The following GLRA1 variants were observed in gnomAD, a reference collection of about 807,000 sequenced individuals.
GLRA1 encodes glycine receptor alpha 1.
GLRA1 carries 37 observed loss-of-function variants against 48.3 expected under a neutral mutation model. The observed-to-expected ratio is 0.77, with a 90% CI of 0.59 to 1.01. GLRA1 has a LOEUF of 1.01. Ranked by LOEUF, GLRA1 falls within the 50% of genes least tolerant of loss-of-function variation. The probability of loss-of-function intolerance (pLI) is 0.00; values close to 1 mark genes in which losing one functional copy is unlikely to be tolerated. For missense variants in GLRA1, 427 were observed against 571.0 expected (o/e 0.75, Z 2.57); for synonymous variants, 196 against 210.7 (o/e 0.93, Z 0.60).
At chr5:151,885,215 A>G (rs1370898279) in intron 3 of GLRA1, among the ~76,000 whole-genome samples, 1 of 152,238 alleles carries the variant, frequency 6.6e-6, no homozygotes, top group Non-Finnish European at 1.5e-5. Flanking sequence ...TTAATTGATA[A>G]GCAATATAAT....
intron 1 of GLRA1, among the ~76,000 whole-genome samples, chr5:151,910,656 G>T (rs1581662451): frequency 6.6e-6 from 1 of 152,052 alleles, no homozygotes; most frequent in Non-Finnish European, 1.5e-5. Context: ...TTTCCCCTCA[G>T]GGTTTCAGTT....
intron 1 of GLRA1, among the ~76,000 whole-genome samples, chr5:151,896,451 C>T (rs1235346795): frequency 6.6e-6 from 1 of 152,224 alleles, no homozygotes; most frequent in African/African-American, 2.4e-5. Context: ...TGATTTATTT[C>T]TGAAGCTTGT....
intron 1 of GLRA1, among the ~76,000 whole-genome samples, chr5:151,912,134 T>A (rs1754629250): frequency 1.3e-5 from 2 of 152,168 alleles, no homozygotes; most frequent in East Asian, 1.9e-4. Flanking sequence ...TACATTTTTT[T>A]CTGGGCCGTA....
chr5:151,849,163 T>TC (rs1752790556), intron 7 of GLRA1: 2 of 111,018 alleles, frequency 1.8e-5, no homozygotes, highest in African/African-American at 1.3e-4. Context: ...TTTTCTTTTC[T>TC]TTTCTTTCTT....
chr5:151,920,059 A>G (rs1455294994), intron 1 of GLRA1, among the ~76,000 whole-genome samples: 2 of 152,254 alleles, frequency 1.3e-5, no homozygotes, highest in Non-Finnish European at 2.9e-5. Flanking sequence ...TTCTGCAATG[A>G]CAGGGACTCT....
At chr5:151,853,903 A>G (rs1472399001) in intron 6 of GLRA1, among the ~76,000 whole-genome samples, 1 of 151,776 alleles carries the variant, frequency 6.6e-6, no homozygotes, top group Non-Finnish European at 1.5e-5. Context: ...ACACACACAT[A>G]CACACACACA....
chr5:151,921,212 A>G (rs1754864814), intron 1 of GLRA1, among the ~76,000 whole-genome samples: 1 of 152,192 alleles, frequency 6.6e-6, no homozygotes, highest in South Asian at 2.1e-4. Context: ...TCTCAAGCAC[A>G]TGCTAGGTCC....
chr5:151,861,092 T>C (rs2113361739), intron 3 of GLRA1, among the ~76,000 whole-genome samples: 1 of 152,384 alleles, frequency 6.6e-6, no homozygotes, highest in South Asian at 2.1e-4. Flanking sequence ...TTCCATGGTG[T>C]ATATGTGCCA....
chr5:151,903,918 A>G (rs1193010147), intron 1 of GLRA1, among the ~76,000 whole-genome samples: 1 of 152,218 alleles, frequency 6.6e-6, no homozygotes, highest in African/African-American at 2.4e-5. Flanking sequence ...GAGCTGATAC[A>G]TAAATCTAAT....
rs781487245 is a variant in GLRA1 at position 151,859,933 on chromosome 5, A to C, written c.328T>G (p.Ser110Ala). The change falls in exon 4 of 9, where the codon TCT becomes GCT. Residue 110 changes from serine to alanine, a missense_variant. By Grantham distance (99) the Ser-to-Ala change is moderately conservative. Around this residue, in one of 4 missense-constraint regions of GLRA1, gnomAD observed 271 missense variants for 434.9 expected, o/e 0.62. Coordinates refer to ENST00000274576, the MANE Select transcript of GLRA1 (RefSeq NM_000171.4). ...AGCATGGATGGGTCCAGGTCCAGAG[A>C]GTCGTCAGGGTATTCATTATAGGCC... ...RLAYNEYPDDSLDLDPSMLDS... is the reference protein window; with the variant it reads ...RLAYNEYPDDALDLDPSMLDS... 1.9e-6 allele frequency: 3 copies of C among 1,614,012 alleles called. No individual in the cohort carries two copies. Among genetic ancestry groups the C allele is most frequent in the African/African-American group, 2.7e-5 (2 of 74,912 alleles).
At chr5:151,870,500 T>C (rs1475877631) in intron 3 of GLRA1, among the ~76,000 whole-genome samples, 1 of 149,984 alleles carries the variant, frequency 6.7e-6, no homozygotes, top group Non-Finnish European at 1.5e-5. Context: ...GAATGATCTA[T>C]GTGTAATCTC....
chr5:151,832,953 G>T (rs900432407), intron 7 of GLRA1, among the ~76,000 whole-genome samples: 2 of 152,098 alleles, frequency 1.3e-5, no homozygotes, highest in Non-Finnish European at 2.9e-5. Context: ...CGGATCTCTC[G>T]GCAGAAACCC....
chr5:151,887,546 C>A (rs1009985371), intron 2 of GLRA1, among the ~76,000 whole-genome samples: 1 of 152,122 alleles, frequency 6.6e-6, no homozygotes, highest in Non-Finnish European at 1.5e-5. Flanking sequence ...ATGGTTATTA[C>A]CTTCATTTTA....
At chr5:151,846,661 T>C (rs1289238201) in intron 7 of GLRA1, among the ~76,000 whole-genome samples, 2 of 152,082 alleles carry the variant, frequency 1.3e-5, no homozygotes, top group Non-Finnish European at 2.9e-5. Flanking sequence ...GTCAGTGTCA[T>C]GAAAAACAAA....
At chr5:151,895,574 T>C (rs1261001624) in intron 1 of GLRA1, among the ~76,000 whole-genome samples, 5 of 152,034 alleles carry the variant, frequency 3.3e-5, no homozygotes, top group South Asian at 2.1e-4. Context: ...TCTTAGAACA[T>C]AGCAAGCACT....
At chr5:151,856,693 T>A (rs1753055723) in intron 4 of GLRA1, among the ~76,000 whole-genome samples, 1 of 149,040 alleles carries the variant, frequency 6.7e-6, no homozygotes, top group Non-Finnish European at 1.5e-5. Flanking sequence ...AATTTTTAAA[T>A]TTTTTTTTGT....
intron 1 of GLRA1, among the ~76,000 whole-genome samples, chr5:151,902,703 A>G (rs1323729202): frequency 6.6e-6 from 1 of 152,180 alleles, no homozygotes; most frequent in African/African-American, 2.4e-5. Context: ...GGAGGTTACA[A>G]ATAAAATAAT....
chr5:151,881,354 C>T (rs1753757405), intron 3 of GLRA1, among the ~76,000 whole-genome samples: 1 of 147,944 alleles, frequency 6.8e-6, no homozygotes, highest in Non-Finnish European at 1.5e-5. Flanking sequence ...GAGCCTCACC[C>T]TGTTGCCCAG....
chr5:151,832,993 T>C (rs576643386), intron 7 of GLRA1, among the ~76,000 whole-genome samples: 7 of 152,158 alleles, frequency 4.6e-5, no homozygotes, highest in Non-Finnish European at 8.8e-5. Flanking sequence ...GGGGCCAATA[T>C]TCAACAATCT....
Sources: allele counts gnomAD v4.1 joint callset (sites outside exome capture counted in the v4.1 genomes callset), GRCh38; gene constraint gnomAD v4.1.1; regional missense constraint gnomAD v4.1.1; transcripts MANE v1.5; gene names NCBI Gene and HGNC (gene_info 2026-07-23, HGNC 2026-07-21).